The following PACS1 variants were observed in gnomAD, a reference collection of about 807,000 sequenced individuals.
The protein encoded by PACS1 is phosphofurin acidic cluster sorting protein 1, also known as PACS-1.
In PACS1, 24 loss-of-function variants were observed where a neutral mutation model predicts 115.0. That is an observed-to-expected ratio of 0.21 (90% CI 0.15 to 0.29). PACS1 has a LOEUF of 0.29. Among genes scored for constraint, PACS1 ranks in the 10% least tolerant of loss-of-function variants. The pLI is 1.00. For synonymous variants in PACS1, 453 were observed against 504.5 expected (o/e 0.90, Z 1.37); for missense variants, 838 against 1,251.2 (o/e 0.67, Z 4.98).
Position 66,107,496 on chromosome 11 carries a change from T to C in PACS1, c.356+36654T>C, listed in dbSNP as rs369169722. Among the ~76,000 whole-genome samples, 12 of 152,304 alleles carry C rather than the reference T, an allele frequency of 7.9e-5. No homozygotes were observed. The South Asian group carries it at 2.5e-3, about 32-fold the overall frequency. On this transcript the variant is annotated intron_variant, in intron 1 of 23. Transcript: ENST00000320580. Reference sequence around the variant, plus strand: ...TAGAATGAAAGCTCCATGAGGGCCATGATTTGTACTGATTTTGTTCACTGT... The same window carrying C: ...TAGAATGAAAGCTCCATGAGGGCCACGATTTGTACTGATTTTGTTCACTGT...
chr11:66,186,831 T>C (rs1178835190), intron 1 of PACS1, among the ~76,000 whole-genome samples: 2 of 148,192 alleles, frequency 1.3e-5, no homozygotes, highest in African/African-American at 4.9e-5. Flanking sequence ...ATAAGCCCTG[T>C]GGGTTTCTGC....
intron 1 of PACS1, among the ~76,000 whole-genome samples, chr11:66,071,917 A>T (rs1396180336): frequency 6.6e-6 from 1 of 152,198 alleles, no homozygotes; most frequent in East Asian, 1.9e-4. Context: ...TGATGAGAGT[A>T]CATCTTTCTG....
intron 1 of PACS1, among the ~76,000 whole-genome samples, chr11:66,115,170 C>T (rs1037519063): frequency 1.4e-5 from 2 of 145,780 alleles, no homozygotes; most frequent in African/African-American, 5.2e-5. Context: ...GATTGTGCCA[C>T]TGCACTCCAG....
chr11:66,221,336 A>G (rs1855341946), intron 10 of PACS1, 89 bp downstream of exon 10: 6 of 1,151,098 alleles, frequency 5.2e-6, no homozygotes, highest in Non-Finnish European at 6.5e-6. Context: ...ATCAGGGCTC[A>G]TGTTGTGACC....
At chr11:66,211,305 G>C in intron 4 of PACS1, 46 bp downstream of exon 4, 1 of 1,603,610 alleles carries the variant, frequency 6.2e-7, no homozygotes, top group Non-Finnish European at 8.5e-7. Context: ...GAGTCACAGA[G>C]CCCAAGGGAC....
chr11:66,176,495 C>T lies in PACS1; in HGVS notation c.357-16991C>T, dbSNP rs141514177. 1.3e-3 allele frequency among the ~76,000 whole-genome samples: 198 copies of T among 150,510 alleles called. 2 individuals are homozygous for T. The South Asian group carries it at 0.018, about 14-fold the overall frequency. On this transcript the variant is annotated intron_variant, in intron 1 of 23. Coordinates refer to ENST00000320580, the MANE Select transcript of PACS1 (RefSeq NM_018026.4). ...GTGGCGTGATCTCGGCTCACTGCAA[C>T]GTCTGCCTCCTGAGTTCAAAGGATT...
chr11:66,144,124 G>C (rs958852092), intron 1 of PACS1, among the ~76,000 whole-genome samples: 1 of 152,166 alleles, frequency 6.6e-6, no homozygotes, highest in African/African-American at 2.4e-5. Flanking sequence ...AGAGTCAGAA[G>C]TTCTTGAACC....
chr11:66,235,210 G>A lies in PACS1; in HGVS notation c.2105-91G>A, dbSNP rs2236652. The A allele has an allele frequency of 0.18, 151,670 of 865,680 alleles. 13,904 individuals carry two copies. Among genetic ancestry groups the A allele is most frequent in the East Asian group, 0.25 (10,036 of 40,444 alleles). The allele number at this position is 865,680 out of a possible 1,614,324, so 53.6% of individuals were successfully genotyped here. A position where few individuals can be genotyped will look rare whatever the true frequency, so the allele number is the denominator to read the frequency against. On this transcript the variant is annotated intron_variant, in intron 17 of 23. Transcript: ENST00000320580. This position sits in a 1 kb window ranked among gnomAD's most constrained non-coding sequence, Gnocchi z 5.6. ...CTTCACTCAACTCCTAGAGTCTGAC[G>A]GGTCTCAGGAAGGGATCCCTCTCCG...
chr11:66,203,635 G>T (rs1449372687), intron 2 of PACS1, among the ~76,000 whole-genome samples: 1 of 152,124 alleles, frequency 6.6e-6, no homozygotes, highest in Non-Finnish European at 1.5e-5. Flanking sequence ...AAAACAGCAT[G>T]GTGCTGGCAT....
intron 2 of PACS1, among the ~76,000 whole-genome samples, chr11:66,202,470 A>G (rs927682114): frequency 6.6e-6 from 1 of 152,096 alleles, no homozygotes; most frequent in Non-Finnish European, 1.5e-5. Flanking sequence ...ACACATTAAA[A>G]ACATCATTCA....
At chr11:66,215,937 AT>A (rs1263110288) in intron 4 of PACS1, among the ~76,000 whole-genome samples, 181 bp from the exon 5 acceptor site, 4 of 147,762 alleles carry the variant, frequency 2.7e-5, no homozygotes, top group African/African-American at 9.9e-5. Flanking sequence ...AATAATAATA[AT>A]AATAATAATA....
rs368994849 is a variant in PACS1, at chr11:66,227,610, C to T, written c.1374+26C>T. 181 of 1,449,432 alleles carry T rather than the reference C, an allele frequency of 1.2e-4. 1 individual carries two copies. In the East Asian group the frequency reaches 2.5e-3, roughly 20 times the overall value. The allele number at this position is 1,449,432 out of a possible 1,614,324, so 89.8% of individuals were successfully genotyped here. ...GTATGTATGGGTCAGTTTCCTGTTT[C>T]AGCTGTTTCAAATAGTGTTTGTCCC... On this transcript the variant is annotated intron_variant, in intron 11 of 23. Transcript: ENST00000320580.
At chr11:66,193,402 A>T in intron 1 of PACS1, 84 bp from the exon 2 acceptor site, 1 of 873,258 alleles carries the variant, frequency 1.1e-6, no homozygotes, top group South Asian at 1.4e-5. Flanking sequence ...TACTTCAGGT[A>T]AGGCAGATTG....
chr11:66,077,311 C>T (rs572181306), intron 1 of PACS1, among the ~76,000 whole-genome samples: 13 of 152,314 alleles, frequency 8.5e-5, no homozygotes, highest in African/African-American at 3.1e-4. Context: ...GCCTATCATC[C>T]CAGCACTTTG....
chr11:66,199,085 G>T (rs1415965125), intron 2 of PACS1, among the ~76,000 whole-genome samples: 5 of 152,282 alleles, frequency 3.3e-5, no homozygotes, highest in African/African-American at 1.2e-4. Context: ...GGAGGCCAAG[G>T]CAGGTGGATC....
In PACS1 at chr11:66,219,729, G is replaced by A. The variant is rs758820114; in HGVS notation, c.979-17G>A. 5 of 1,610,200 alleles carry A rather than the reference G, an allele frequency of 3.1e-6. No individual in the cohort carries two copies. Among genetic ancestry groups the A allele is most frequent in the Non-Finnish European group, 4.2e-6 (5 of 1,176,552 alleles). ...AGTGGACGTTGCTGAGAACTGTCATGCGATTTGTCCCTACAGCAACCTAAC... is the reference window on the plus strand; with the variant it reads ...AGTGGACGTTGCTGAGAACTGTCATACGATTTGTCCCTACAGCAACCTAAC... On this transcript the variant is annotated splice_polypyrimidine_tract_variant and intron_variant, in intron 7 of 23. Transcript: ENST00000320580.
In PACS1 at chr11:66,205,309, A is replaced by T. The variant is rs554357094; in HGVS notation, c.445-5053A>T. ...CAAAACAATTATTTTAATTATAAAA[A>T]TTTTTTTAATGTTTTAAAGATCTGA... On this transcript the variant is annotated intron_variant, in intron 2 of 23. Transcript: ENST00000320580. 4.8e-3 allele frequency among the ~76,000 whole-genome samples: 732 copies of T among 152,068 alleles called. 7 individuals are homozygous for T. Among genetic ancestry groups the T allele is most frequent in the Non-Finnish European group, 7.1e-3 (482 of 68,008 alleles).
chr11:66,202,725 G>T (rs1436552389), intron 2 of PACS1, among the ~76,000 whole-genome samples: 1 of 1,042 alleles, frequency 9.6e-4, no homozygotes. Context: ...CTCATCTCTA[G>T]GAAAAAAAAA....
At position 66,233,903 on chromosome 11, in the gene PACS1, T is replaced by C; in HGVS notation, c.1957T>C (p.Trp653Arg). The change falls in exon 16 of 24, where the codon TGG becomes CGG. Residue 653 changes from tryptophan (W) to arginine (R), a missense_variant. Transcript: ENST00000320580. The surrounding 1 kb of genome is among the most constrained non-coding windows in gnomAD (Gnocchi z 4.5). Reference sequence around the variant, plus strand: ...GTCCCTGGCCAACAAGACCTCCGACTGGCTTGGCTACATGCGCTTCCTCAT... The same window carrying C: ...GTCCCTGGCCAACAAGACCTCCGACCGGCTTGGCTACATGCGCTTCCTCAT... ...VKSLANKTSD[W>R]LGYMRFLIIP... The C allele has an allele frequency of 1.3e-6, 2 of 1,591,094 alleles. No homozygotes were observed. Among genetic ancestry groups the C allele is most frequent in the Non-Finnish European group, 1.7e-6 (2 of 1,167,014 alleles).
Sources: gnomAD v4.1 joint callset for allele counts (sites outside exome capture counted in the v4.1 genomes callset) on GRCh38, gnomAD v4.1.1 for gene constraint, Gnocchi (gnomAD v3.1) non-coding constraint, MANE v1.5 for transcripts, NCBI Gene and HGNC (gene_info 2026-07-23, HGNC 2026-07-21) for gene names.